The following RANBP2 variants were observed in gnomAD, a reference collection of about 807,000 sequenced individuals.
RANBP2 encodes RAN binding protein 2, also known as E3 SUMO-protein ligase RanBP2.
A neutral mutation model predicts 303.6 loss-of-function variants in RANBP2; 57 were observed. The observed-to-expected ratio is 0.19, with a 90% CI of 0.15 to 0.23. The LOEUF (loss-of-function observed/expected upper bound fraction) is 0.23. Ranked by LOEUF, RANBP2 falls within the 10% of genes least tolerant of loss-of-function variation. The probability of loss-of-function intolerance (pLI) is 1.00; values close to 1 mark genes in which losing one functional copy is unlikely to be tolerated. For synonymous variants in RANBP2, 1,167 were observed against 1,301.5 expected (o/e 0.90, Z 2.23); for missense variants, 3,138 against 3,780.8 (o/e 0.83, Z 4.46).
the RANBP2 span, among the ~76,000 whole-genome samples, chr2:109,424,819 A>G: frequency 6.6e-6 from 1 of 152,174 alleles, no homozygotes; most frequent in East Asian, 1.9e-4. Flanking sequence ...CAATACTGAA[A>G]TCAGGCCTTT....
the RANBP2 span, among the ~76,000 whole-genome samples, chr2:109,275,866 GT>G: frequency 6.6e-6 from 1 of 152,136 alleles, no homozygotes; most frequent in African/African-American, 2.4e-5. Flanking sequence ...AGGTCGGTTG[GT>G]TTTTTGAGTC....
the RANBP2 span, among the ~76,000 whole-genome samples, chr2:109,252,121 A>G: frequency 6.6e-6 from 1 of 151,984 alleles, no homozygotes; most frequent in Non-Finnish European, 1.5e-5. Context: ...TCACAGGCCT[A>G]TAGTCTCAGC....
the RANBP2 span, among the ~76,000 whole-genome samples, chr2:109,359,834 C>G: frequency 2.1e-4 from 32 of 152,090 alleles, no homozygotes; most frequent in Non-Finnish European, 4.4e-5. Context: ...CCACACATGC[C>G]CAGATTCCCC....
chr2:109,714,779 A>T, the RANBP2 span, among the ~76,000 whole-genome samples: 1 of 151,254 alleles, frequency 6.6e-6, no homozygotes, highest in South Asian at 2.1e-4. Context: ...CAGGCTAATT[A>T]TTGTAGTTTT....
chr2:109,296,725 G>A, the RANBP2 span, among the ~76,000 whole-genome samples: 1 of 152,168 alleles, frequency 6.6e-6, no homozygotes, highest in Non-Finnish European at 1.5e-5. Context: ...TCCCCTGTGA[G>A]GTGAGGGGAG....
chr2:108,875,333 A>C, the RANBP2 span, among the ~76,000 whole-genome samples: 248 of 129,786 alleles, frequency 1.9e-3, 6 homozygotes, highest in East Asian at 0.037. Context: ...AAAAAAAAAA[A>C]AAAGAAACAA....
chr2:108,807,069 CATTCTATACAAAATT>C, the RANBP2 span, among the ~76,000 whole-genome samples: 5 of 152,100 alleles, frequency 3.3e-5, no homozygotes, highest in Non-Finnish European at 7.4e-5. Context: ...ATATGTCTTT[CATTCTATACAAAATT>C]AATAAGCATG....
the RANBP2 span, chr2:109,501,868 C>CAA: frequency 1.8e-6 from 1 of 560,830 alleles, no homozygotes; most frequent in African/African-American, 1.9e-5. Flanking sequence ...ACGGAGAGCA[C>CAA]ACCTGGGATG....
At chr2:109,490,932 G>A in the RANBP2 span, 2 of 1,494,768 alleles carry the variant, frequency 1.3e-6, no homozygotes, top group African/African-American at 2.8e-5. Context: ...GTTGCCCAGA[G>A]AGAGGTAAGT....
the RANBP2 span, among the ~76,000 whole-genome samples, chr2:108,826,455 C>T: frequency 1.3e-5 from 2 of 152,154 alleles, no homozygotes; most frequent in African/African-American, 4.8e-5. Context: ...AGGAGTGTAA[C>T]CTCATTTTTT....
the RANBP2 span, among the ~76,000 whole-genome samples, chr2:109,413,118 A>G: frequency 6.6e-6 from 1 of 152,072 alleles, no homozygotes; most frequent in African/African-American, 2.4e-5. Flanking sequence ...TCATTATTTT[A>G]TATATATATT....
the RANBP2 span, among the ~76,000 whole-genome samples, chr2:109,360,522 A>G: frequency 1.3e-5 from 2 of 152,252 alleles, no homozygotes; most frequent in African/African-American, 2.4e-5. Context: ...CTGGGGTCCC[A>G]TACCCAAGAT....
the RANBP2 span, among the ~76,000 whole-genome samples, chr2:109,009,349 TATAA>T: frequency 0.033 from 4,971 of 151,602 alleles, 296 homozygotes; most frequent in African/African-American, 0.11. Context: ...AAAATATATA[TATAA>T]ATAAATAAAT....
the RANBP2 span, among the ~76,000 whole-genome samples, chr2:108,845,058 TC>T: frequency 6.6e-6 from 1 of 152,122 alleles, no homozygotes; most frequent in Admixed American, 6.5e-5. Context: ...CATTTTTTTT[TC>T]AAGTTTATTT....
the RANBP2 span, among the ~76,000 whole-genome samples, chr2:108,999,761 G>A: frequency 3.9e-5 from 6 of 152,126 alleles, no homozygotes; most frequent in African/African-American, 7.2e-5. Flanking sequence ...AAAAAATTAC[G>A]AAATTTCCCT....
At chr2:109,270,509 A>C in the RANBP2 span, among the ~76,000 whole-genome samples, 1 of 152,118 alleles carries the variant, frequency 6.6e-6, no homozygotes, top group Non-Finnish European at 1.5e-5. Context: ...TGTGGACAGG[A>C]GGGTGAGTAG....
At chr2:109,476,526 C>G in the RANBP2 span, among the ~76,000 whole-genome samples, 1 of 152,228 alleles carries the variant, frequency 6.6e-6, no homozygotes, top group African/African-American at 2.4e-5. Context: ...AAGCCTGGCT[C>G]TAGCATGTCA....
chr2:109,716,911 T>C, the RANBP2 span, among the ~76,000 whole-genome samples: 1 of 152,208 alleles, frequency 6.6e-6, no homozygotes, highest in Non-Finnish European at 1.5e-5. Flanking sequence ...ATATTTAACC[T>C]TTTATCTGCA....
the RANBP2 span, among the ~76,000 whole-genome samples, chr2:109,376,332 G>A: frequency 6.6e-6 from 1 of 152,226 alleles, no homozygotes; most frequent in Non-Finnish European, 1.5e-5. Flanking sequence ...CCTCTTGGAA[G>A]CTGTCTTTAA....
Sources: allele counts gnomAD v4.1 joint callset (sites outside exome capture counted in the v4.1 genomes callset), GRCh38; gene constraint gnomAD v4.1.1; transcripts MANE v1.5; gene names NCBI Gene and HGNC (gene_info 2026-07-23, HGNC 2026-07-21).